RAI14: variants seen among roughly 807,000 people sequenced by gnomAD.
RAI14 encodes ankycorbin.
In RAI14, 45 loss-of-function variants were observed where a neutral mutation model predicts 115.4. That is an observed-to-expected ratio of 0.39 (90% CI 0.31 to 0.50). The LOEUF is 0.50. Among genes scored for constraint, RAI14 ranks in the 20% least tolerant of loss-of-function variants. The pLI, the probability that RAI14 is intolerant of heterozygous loss-of-function variation, is 0.85. For missense variants in RAI14, 939 were observed against 1,131.2 expected (o/e 0.83, Z 2.44); for synonymous variants, 371 against 415.4 (o/e 0.89, Z 1.30).
At chr5:34,681,708 A>T (rs1019741742) in intron 1 of RAI14, among the ~76,000 whole-genome samples, 1 of 151,856 alleles carries the variant, frequency 6.6e-6, no homozygotes, top group African/African-American at 2.4e-5. Context: ...TCTGGTGCCC[A>T]GGCTGGTCTT....
chr5:34,708,587 G>A (rs1157616116), intron 2 of RAI14, among the ~76,000 whole-genome samples: 3 of 152,178 alleles, frequency 2.0e-5, no homozygotes, highest in South Asian at 2.1e-4. Flanking sequence ...ATTAGCCTGC[G>A]TCTTTTGTGA....
At chr5:34,790,289 T>C (rs1580269267) in intron 3 of RAI14, among the ~76,000 whole-genome samples, 1 of 152,340 alleles carries the variant, frequency 6.6e-6, no homozygotes, top group South Asian at 2.1e-4. Flanking sequence ...GAGTGTAAGA[T>C]ACCCAGATTG....
chr5:34,743,483 T>A (rs2150052609), intron 2 of RAI14, among the ~76,000 whole-genome samples: 1 of 152,330 alleles, frequency 6.6e-6, no homozygotes, highest in East Asian at 1.9e-4. Context: ...AGAACCTTAG[T>A]CAGTTACATC....
At chr5:34,757,646 G>T in intron 3 of RAI14, 48 bp downstream of exon 3, 1 of 1,552,144 alleles carries the variant, frequency 6.4e-7, no homozygotes, top group Non-Finnish European at 8.7e-7. Context: ...GGGTTTTTGG[G>T]GTGTTCTCTG....
intron 1 of RAI14, among the ~76,000 whole-genome samples, chr5:34,661,362 A>G (rs1361698646): frequency 6.6e-6 from 1 of 152,118 alleles, no homozygotes; most frequent in Non-Finnish European, 1.5e-5. Context: ...TGTTGTATTC[A>G]TGGTGTCTAG....
intron 5 of RAI14, among the ~76,000 whole-genome samples, chr5:34,805,648 T>G (rs890376828): frequency 1.3e-5 from 2 of 152,132 alleles, no homozygotes; most frequent in Non-Finnish European, 2.9e-5. Context: ...GTGACCAGCC[T>G]GGCCAACATG....
intron 2 of RAI14, chr5:34,688,134 A>G (rs1313505020): frequency 1.3e-6 from 2 of 1,524,396 alleles, no homozygotes; most frequent in Non-Finnish European, 1.8e-6. Flanking sequence ...GCTGTTGGCC[A>G]GAGTGAAAGT....
chr5:34,794,798 G>A (rs1204612701), intron 3 of RAI14, among the ~76,000 whole-genome samples: 1 of 152,186 alleles, frequency 6.6e-6, no homozygotes, highest in Non-Finnish European at 1.5e-5. Context: ...TTATTAAGAG[G>A]TCTGGAATCA....
intron 5 of RAI14, among the ~76,000 whole-genome samples, chr5:34,806,513 C>T (rs907034638): frequency 6.6e-5 from 10 of 151,778 alleles, no homozygotes; most frequent in Admixed American, 3.3e-4. Flanking sequence ...AAAAGGGTGT[C>T]GGGAACAAGA....
chr5:34,797,444 T>C (rs1175347665), intron 4 of RAI14, among the ~76,000 whole-genome samples: 1 of 151,884 alleles, frequency 6.6e-6, no homozygotes, highest in Non-Finnish European at 1.5e-5. Context: ...GAATAGGGTT[T>C]TTTTTTAGGG....
At position 34,827,129 on chromosome 5, in the gene RAI14, A is replaced by G. The variant is rs544074422; in HGVS notation, c.2799+650A>G. On this transcript the variant is annotated intron_variant, in intron 16 of 17. Coordinates refer to ENST00000265109, the MANE Select transcript of RAI14 (RefSeq NM_015577.3). This position sits in a 1 kb window ranked among gnomAD's most constrained non-coding sequence, Gnocchi z 4.2. ...TTTTCCAGTACCAGAGGCTGCCTGC[A>G]TTCTGTGGCTCATGGCCCCTTACTC... Among the ~76,000 whole-genome samples, 1 of 152,250 alleles carries G rather than the reference A, an allele frequency of 6.6e-6. No individual in the cohort carries two copies. Among genetic ancestry groups the G allele is most frequent in the South Asian group, 2.1e-4 (1 of 4,818 alleles).
At chr5:34,761,081 C>G (rs571242661) in intron 3 of RAI14, among the ~76,000 whole-genome samples, 1 of 152,238 alleles carries the variant, frequency 6.6e-6, no homozygotes, top group African/African-American at 2.4e-5. Context: ...ATTCTATTCT[C>G]TCTTCATGGT....
intron 3 of RAI14, among the ~76,000 whole-genome samples, chr5:34,765,175 T>C (rs990130854): frequency 1.3e-5 from 2 of 152,198 alleles, no homozygotes; most frequent in Non-Finnish European, 2.9e-5. Context: ...TATGTCTTTA[T>C]CAGCAGCATG....
chr5:34,796,688 A>G (rs761109236), intron 4 of RAI14, among the ~76,000 whole-genome samples: 3 of 152,290 alleles, frequency 2.0e-5, no homozygotes, highest in South Asian at 4.1e-4. Context: ...TCATCAACTG[A>G]GATAGGCTCT....
intron 3 of RAI14, among the ~76,000 whole-genome samples, chr5:34,773,057 C>T (rs919738958): frequency 1.3e-5 from 2 of 152,104 alleles, no homozygotes; most frequent in African/African-American, 4.8e-5. Context: ...AAATGTAAAA[C>T]AGCAGATTCC....
At chr5:34,757,187 C>T (rs1451112054) in intron 2 of RAI14, 2 of 472,194 alleles carry the variant, frequency 4.2e-6, no homozygotes, top group East Asian at 5.9e-5. Context: ...GGTCTTTTTA[C>T]GTTGCTTCAT....
chr5:34,708,197 T>C (rs1740940994), intron 2 of RAI14, among the ~76,000 whole-genome samples: 1 of 149,868 alleles, frequency 6.7e-6, no homozygotes, highest in Admixed American at 6.7e-5. Flanking sequence ...TAAGGGAACT[T>C]TGGGTTTTTG....
intron 3 of RAI14, among the ~76,000 whole-genome samples, chr5:34,778,739 G>A (rs1490420139): frequency 7.6e-6 from 1 of 131,908 alleles, no homozygotes; most frequent in Non-Finnish European, 1.7e-5. Context: ...CCGTTTCTGT[G>A]ATTTTTTTTT....
intron 12 of RAI14, among the ~76,000 whole-genome samples, chr5:34,817,168 T>C (rs976117273): frequency 3.4e-5 from 5 of 147,226 alleles, no homozygotes; most frequent in East Asian, 2.0e-4. Context: ...TCCCAGCTAC[T>C]GGGAAGGCTG....
Sources: allele counts gnomAD v4.1 joint callset (sites outside exome capture counted in the v4.1 genomes callset), GRCh38; gene constraint gnomAD v4.1.1; non-coding constraint Gnocchi (gnomAD v3.1); transcripts MANE v1.5; gene names NCBI Gene and HGNC (gene_info 2026-07-23, HGNC 2026-07-21).